Variants in ARID4B observed in about 807,000 individuals in gnomAD.
ARID4B encodes the protein AT-rich interaction domain 4B, also known as AT-rich interactive domain-containing protein 4B.
In ARID4B, 26 loss-of-function variants were observed where a neutral mutation model predicts 147.5. The observed-to-expected ratio is 0.18, with a 90% CI of 0.13 to 0.24. The LOEUF (loss-of-function observed/expected upper bound fraction) is 0.24. ARID4B is among the 10% of genes least tolerant of loss of function. The probability of loss-of-function intolerance (pLI) is 1.00; values close to 1 mark genes in which losing one functional copy is unlikely to be tolerated. For missense variants in ARID4B, 1,179 were observed against 1,511.5 expected (o/e 0.78, Z 3.65); for synonymous variants, 512 against 507.9 (o/e 1.01, Z -0.11).
chr1:235,238,153 A>AG (rs1553300439), intron 8 of ARID4B, among the ~76,000 whole-genome samples: 59 of 141,814 alleles, frequency 4.2e-4, no homozygotes, highest in African/African-American at 1.5e-3. Flanking sequence ...CAAAAAAAAA[A>AG]AAAAGAAAAG....
chr1:235,252,659 T>C, intron 6 of ARID4B, 71 bp downstream of exon 6: 2 of 1,401,194 alleles, frequency 1.4e-6, no homozygotes, highest in Non-Finnish European at 2.0e-6. Flanking sequence ...TTTACTGAGT[T>C]GAGAAAGCAA....
intron 16 of ARID4B, among the ~76,000 whole-genome samples, chr1:235,214,936 G>A (rs984481125): frequency 4.9e-5 from 7 of 143,188 alleles, no homozygotes; most frequent in Non-Finnish European, 7.5e-5. Flanking sequence ...CCGCCTCCCA[G>A]GTTCAAGCGA....
Position 235,308,261 on chromosome 1 carries a change from G to A in ARID4B, c.6+18653C>T, listed in dbSNP as rs555913375. ...CCAGAAGCACATGCTACCATGCACA[G>A]CTAATTTTTGTATTGTATTTTTAGT... On this transcript the variant is annotated intron_variant, in intron 2 of 23. Coordinates refer to ENST00000264183, the MANE Select transcript of ARID4B (RefSeq NM_016374.6). Among the ~76,000 whole-genome samples, 793 of 115,980 alleles carry A rather than the reference G, an allele frequency of 6.8e-3. 1 individual carries two copies. Among genetic ancestry groups the A allele is most frequent in the Non-Finnish European group, 0.011 (591 of 53,230 alleles). The allele number at this position is 115,980 out of a possible 152,430, so 76.1% of individuals were successfully genotyped here. A position where few individuals can be genotyped will look rare whatever the true frequency, so the allele number is the denominator to read the frequency against.
chr1:235,295,622 CAAT>C (rs1315617970), intron 2 of ARID4B, among the ~76,000 whole-genome samples: 1 of 151,100 alleles, frequency 6.6e-6, no homozygotes. Context: ...TCAGCCTGGC[CAAT>C]ATAGTGAAAC....
At chr1:235,318,027 A>T (rs1406341341) in intron 2 of ARID4B, among the ~76,000 whole-genome samples, 1 of 152,198 alleles carries the variant, frequency 6.6e-6, no homozygotes, top group Admixed American at 6.5e-5. Context: ...AAATGCTCAT[A>T]GCAGCATTAC....
chr1:235,255,281 C>CTA (rs1404201536), intron 5 of ARID4B, among the ~76,000 whole-genome samples: 35 of 145,200 alleles, frequency 2.4e-4, no homozygotes, highest in African/African-American at 6.0e-4. Flanking sequence ...CTCTCTCTCT[C>CTA]TCTCTCTATA....
intron 2 of ARID4B, among the ~76,000 whole-genome samples, chr1:235,272,340 A>C (rs1671046372): frequency 6.6e-6 from 1 of 152,216 alleles, no homozygotes; most frequent in Non-Finnish European, 1.5e-5. Context: ...TAAGATAGAA[A>C]TAGTGTCTTA....
At chr1:235,247,880 C>A (rs950588887) in intron 6 of ARID4B, among the ~76,000 whole-genome samples, 7 of 151,834 alleles carry the variant, frequency 4.6e-5, no homozygotes, top group Admixed American at 2.0e-4. Context: ...CCCAGCTACT[C>A]GGGAGGCTGA....
At chr1:235,239,044 G>A (rs1316649252) in intron 8 of ARID4B, among the ~76,000 whole-genome samples, 5 of 150,090 alleles carry the variant, frequency 3.3e-5, no homozygotes, top group Non-Finnish European at 5.9e-5. Flanking sequence ...GTGCAGTGGC[G>A]CGATCTTGGC....
chr1:235,236,551 T>C (rs1319661910), intron 8 of ARID4B, among the ~76,000 whole-genome samples: 3 of 151,224 alleles, frequency 2.0e-5, no homozygotes, highest in Non-Finnish European at 2.9e-5. Flanking sequence ...TCTTGCTCTG[T>C]CACTCAGGCT....
chr1:235,302,848 G>T (rs921631281), intron 2 of ARID4B, among the ~76,000 whole-genome samples: 5 of 152,150 alleles, frequency 3.3e-5, no homozygotes, highest in Admixed American at 3.3e-4. Context: ...ATCACAGAAG[G>T]TTACATTACT....
chr1:235,175,633 C>G, intron 21 of ARID4B: 2 of 485,078 alleles, frequency 4.1e-6, no homozygotes, highest in Non-Finnish European at 7.4e-6. Context: ...TCACACTAAT[C>G]TATCATTATG....
chr1:235,319,518 A>G lies in ARID4B; in HGVS notation c.6+7396T>C, dbSNP rs528094868. Among the ~76,000 whole-genome samples, 3 of 152,366 alleles carry G rather than the reference A, an allele frequency of 2.0e-5. No individual in the cohort carries two copies. The South Asian group carries it at 6.2e-4, about 32-fold the overall frequency. On this transcript the variant is annotated intron_variant, in intron 2 of 23. Coordinates refer to ENST00000264183, the MANE Select transcript of ARID4B (RefSeq NM_016374.6). ...AGACTGTGGCCATGTCTCAAAAAAAATAAAATAAAAGGGTGAATTTTATGG... is the reference window on the plus strand; with the variant it reads ...AGACTGTGGCCATGTCTCAAAAAAAGTAAAATAAAAGGGTGAATTTTATGG...
chr1:235,319,828 C>T (rs949190011), intron 2 of ARID4B, among the ~76,000 whole-genome samples: 2 of 151,840 alleles, frequency 1.3e-5, no homozygotes, highest in African/African-American at 2.4e-5. Flanking sequence ...CCCATTGCTA[C>T]TAAAAACACA....
chr1:235,182,807 G>GA lies in ARID4B; in HGVS notation c.2126-15dup, dbSNP rs60537954. ...AACTTTCAGAAGCTAGAAAATAACAGAAAAAAAAATGATGAGTATGATAAG... is the reference window on the plus strand; with the variant it reads ...AACTTTCAGAAGCTAGAAAATAACAGAAAAAAAAAATGATGAGTATGATAAG... On this transcript the variant is annotated splice_polypyrimidine_tract_variant and intron_variant, in intron 19 of 23. Transcript: ENST00000264183. The GA allele has an allele frequency of 2.7e-3, 4,093 of 1,532,232 alleles. 72 individuals carry two copies. In the African/African-American group the frequency reaches 0.041, roughly 15 times the overall value. 94.9% of individuals were successfully genotyped at this position (1,532,232 alleles called of 1,614,324 possible).
intron 2 of ARID4B, among the ~76,000 whole-genome samples, chr1:235,300,965 T>G (rs2103245280): frequency 6.6e-6 from 1 of 151,712 alleles, no homozygotes; most frequent in Non-Finnish European, 1.5e-5. Flanking sequence ...TCTGCCTGCC[T>G]CGGCCTCCCA....
rs1414142786 is a variant in ARID4B, at chr1:235,231,027, T to G, written c.742+86A>C. ...CATAAAAACATAATTTAAAGAAAAA[T>G]TTTAAAGAGCAAAGAAAAATTTAAT... is the stretch of plus-strand genomic sequence containing the variant. On this transcript the variant is annotated intron_variant, in intron 10 of 23. Coordinates refer to ENST00000264183, the MANE Select transcript of ARID4B (RefSeq NM_016374.6). The G allele has an allele frequency of 3.1e-6, 3 of 956,750 alleles. No homozygotes were observed. In the African/African-American group the frequency reaches 5.2e-5, roughly 17 times the overall value. The allele number at this position is 956,750 out of a possible 1,614,324, so 59.3% of individuals were successfully genotyped here.
chr1:235,293,817 T>A (rs1406219291), intron 2 of ARID4B, among the ~76,000 whole-genome samples: 11 of 152,022 alleles, frequency 7.2e-5, no homozygotes, highest in Non-Finnish European at 1.3e-4. Flanking sequence ...AAGCAAAAAA[T>A]ATATATATAC....
Position 235,327,830 on chromosome 1 carries a change from C to T in ARID4B, c.-111G>A, listed in dbSNP as rs1012290461. ...GAGTCCCCTCTCTCCTTCTCCCCCC[C>T]AAAACCAGCAGGCCCGGGGGAGAGA... On this transcript the variant is annotated 5_prime_UTR_variant, in exon 1 of 24. Coordinates refer to ENST00000264183, the MANE Select transcript of ARID4B (RefSeq NM_016374.6). 2.0e-5 allele frequency: 3 copies of T among 152,610 alleles called. No homozygotes were observed. The highest frequency in any genetic ancestry group is 7.2e-5 in the African/African-American group (3 of 41,458). 9.5% of individuals were successfully genotyped at this position (152,610 alleles called of 1,614,324 possible). A position where few individuals can be genotyped will look rare whatever the true frequency, so the allele number is the denominator to read the frequency against.
Sources: gnomAD v4.1 joint callset for allele counts (sites outside exome capture counted in the v4.1 genomes callset) on GRCh38, gnomAD v4.1.1 for gene constraint, MANE v1.5 for transcripts, NCBI Gene and HGNC (gene_info 2026-07-23, HGNC 2026-07-21) for gene names.